Variants in TM4SF19 observed in about 807,000 individuals in gnomAD.
TM4SF19 encodes the protein transmembrane 4 L six family member 19, also known as transmembrane 4 L6 family member 19.
Under a neutral mutation model 21.8 loss-of-function variants are expected in TM4SF19, and 17 were observed. That is an observed-to-expected ratio of 0.78 (90% CI 0.53 to 1.17). The LOEUF is 1.17. Ranked by LOEUF, TM4SF19 falls within the 50% of genes most tolerant of loss-of-function variation. The pLI, the probability that TM4SF19 is intolerant of heterozygous loss-of-function variation, is 0.00. For synonymous variants in TM4SF19, 107 were observed against 106.7 expected (o/e 1.00, Z -0.02); for missense variants, 216 against 252.1 (o/e 0.86, Z 0.97).
chr3:196,333,269 A>G (rs1293219472), intron 1 of TM4SF19, among the ~76,000 whole-genome samples: 1 of 152,242 alleles, frequency 6.6e-6, no homozygotes, highest in Non-Finnish European at 1.5e-5. Flanking sequence ...AACCTGTCGT[A>G]AAGTTGGAAA....
intron 1 of TM4SF19, among the ~76,000 whole-genome samples, chr3:196,337,997 A>C (rs1445787411): frequency 6.6e-6 from 1 of 152,124 alleles, no homozygotes; most frequent in Admixed American, 6.6e-5. Context: ...ACCTAATCCT[A>C]TCTGGCAGAA....
intron 1 of TM4SF19, among the ~76,000 whole-genome samples, chr3:196,330,416 T>G (rs1384125113): frequency 6.6e-6 from 1 of 152,194 alleles, no homozygotes; most frequent in African/African-American, 2.4e-5. Flanking sequence ...CTGATGTTAC[T>G]TTACCACAAT....
At position 196,325,597 on chromosome 3, in the gene TM4SF19, CAG is replaced by C. The variant is rs1265222178; in HGVS notation, c.280-1159_280-1158del. The C allele has an allele frequency of 6.6e-6, 1 of 152,174 alleles. No homozygotes were observed. Among genetic ancestry groups the C allele is most frequent in the African/African-American group, 2.4e-5 (1 of 41,422 alleles). 9.4% of individuals were successfully genotyped at this position (152,174 alleles called of 1,614,324 possible). ...ATAACACCTACATAGCGTTTTTCTG[CAG>C]AGTCATGGAGTCATTCTCCCACTGA... On this transcript the variant is annotated intron_variant, in intron 3 of 4. Coordinates refer to ENST00000273695, the MANE Select transcript of TM4SF19 (RefSeq NM_138461.4). The surrounding 1 kb of genome is among the most constrained non-coding windows in gnomAD (Gnocchi z 4.3).
chr3:196,324,555 C>G, intron 3 of TM4SF19, 115 bp from the exon 4 acceptor site: 2 of 1,007,688 alleles, frequency 2.0e-6, no homozygotes, highest in Non-Finnish European at 3.0e-6. Flanking sequence ...GTGGGGCGGT[C>G]TGCACAGGTC....
chr3:196,330,995 C>T lies in TM4SF19; in HGVS notation c.-1-3404G>A, dbSNP rs567584037. Among the ~76,000 whole-genome samples the T allele has an allele frequency of 8.5e-5, 13 of 152,090 alleles. No individual in the cohort carries two copies. The East Asian group carries it at 1.7e-3, about 20-fold the overall frequency. On this transcript the variant is annotated intron_variant, in intron 1 of 4. Coordinates refer to ENST00000273695, the MANE Select transcript of TM4SF19 (RefSeq NM_138461.4). ...TTTTTAGAAAAATATGAATTAAGGCCGGGCACGGTGACTTACACCTGTAAT... is the reference window on the plus strand; with the variant it reads ...TTTTTAGAAAAATATGAATTAAGGCTGGGCACGGTGACTTACACCTGTAAT...
At chr3:196,326,387 C>G (rs983302838) in intron 3 of TM4SF19, among the ~76,000 whole-genome samples, 2 of 105,256 alleles carry the variant, frequency 1.9e-5, no homozygotes, top group South Asian at 3.8e-4. Context: ...TGTCTGAGAA[C>G]GAGTGTGTGT....
chr3:196,333,140 G>A (rs1411073282), intron 1 of TM4SF19, among the ~76,000 whole-genome samples: 1 of 152,126 alleles, frequency 6.6e-6, no homozygotes, highest in East Asian at 1.9e-4. Flanking sequence ...AAGCCACCAC[G>A]CCCAGTCCCA....
In TM4SF19 at chr3:196,327,432, C is replaced by A. The variant is rs1181430522; in HGVS notation, c.159G>T (p.Arg53Ser). The change falls in exon 2 of 5, where the codon AGG becomes AGT. Residue 53 changes from arginine to serine, a missense_variant. By Grantham distance (110) the Arg-to-Ser change is moderately radical. Coordinates refer to ENST00000273695, the MANE Select transcript of TM4SF19 (RefSeq NM_138461.4). ...VTYLLRGLLG[R>S]HAMLGTGLWG... The stretch of plus-strand genomic sequence containing the variant: ...AGAGCCCAGTTCCCAGCATGGCATG[C>A]CTGCCAAGGAGGCCCCTCAACAGGT... 1 of 1,614,184 alleles carries A rather than the reference C, an allele frequency of 6.2e-7. No individual in the cohort carries two copies. The highest frequency in any genetic ancestry group is 2.2e-5 in the East Asian group (1 of 44,894).
intron 4 of TM4SF19, 133 bp downstream of exon 4, chr3:196,324,138 A>G: frequency 6.9e-7 from 1 of 1,445,114 alleles, no homozygotes; most frequent in Non-Finnish European, 9.6e-7. Context: ...CTCCATTTGC[A>G]ATTTTCTGAG....
rs1310160419 is a variant in TM4SF19, at chr3:196,326,988, G to A, written c.246C>T (p.Tyr82=). 3.1e-6 allele frequency: 5 copies of A among 1,611,514 alleles called. No homozygotes were observed. The highest frequency in any genetic ancestry group is 1.7e-5 in the Admixed American group (1 of 59,942). The change falls in exon 3 of 5, where the codon TAC becomes TAT. Residue 82 remains tyrosine (Y), a synonymous_variant. Coordinates refer to ENST00000273695, the MANE Select transcript of TM4SF19 (RefSeq NM_138461.4). The part of the protein sequence containing the change: ...AILISLMGWR[Y]GCFSKSGLCR... Reference sequence around the variant, plus strand: ...AGAGCCCACTCTTACTGAAGCAGCCGTATCTCCAGCCCATCAAGGAGATGA... The same window carrying A: ...AGAGCCCACTCTTACTGAAGCAGCCATATCTCCAGCCCATCAAGGAGATGA...
chr3:196,324,551 C>T lies in TM4SF19; in HGVS notation c.280-111G>A, dbSNP rs569625438. The T allele has an allele frequency of 1.1e-5, 12 of 1,123,160 alleles. No homozygotes were observed. The East Asian group carries it at 1.3e-4, about 12-fold the overall frequency. The allele number at this position is 1,123,160 out of a possible 1,614,324, so 69.6% of individuals were successfully genotyped here. Reference sequence around the variant, plus strand: ...GGTCGCAGCTGGGGAGTCTGTGGGGCGGTCTGCACAGGTCTGACTTCTCTG... The same window carrying T: ...GGTCGCAGCTGGGGAGTCTGTGGGGTGGTCTGCACAGGTCTGACTTCTCTG... On this transcript the variant is annotated intron_variant, in intron 3 of 4. Coordinates refer to ENST00000273695, the MANE Select transcript of TM4SF19 (RefSeq NM_138461.4).
Position 196,327,399 on chromosome 3 carries a change from T to C in TM4SF19, c.192A>G (p.Gly64=), listed in dbSNP as rs747796732. The C allele has an allele frequency of 1.9e-6, 3 of 1,613,898 alleles. No individual in the cohort carries two copies. In the Admixed American group the frequency reaches 5.0e-5, roughly 27 times the overall value. ...AACCCCGGACACTTACCATGAGGCC[T>C]CCTCCCCAGAGCCCAGTTCCCAGCA... ...HAMLGTGLWG[G]GLMVLTAAIL... The change falls in exon 2 of 5, where the codon GGA becomes GGG. Residue 64 remains glycine (G), a synonymous_variant. Coordinates refer to ENST00000273695, the MANE Select transcript of TM4SF19 (RefSeq NM_138461.4).
chr3:196,324,434 T>G lies in TM4SF19; in HGVS notation c.286A>C (p.Thr96Pro). The G allele has an allele frequency of 5.0e-6, 8 of 1,613,982 alleles. No individual in the cohort carries two copies. The highest frequency in any genetic ancestry group is 6.8e-6 in the Non-Finnish European group (8 of 1,179,988). Residue 96 changes from threonine to proline, a missense_variant, in exon 4 of 5, where the codon ACT (threonine) becomes CCT (proline). Coordinates refer to ENST00000273695, the MANE Select transcript of TM4SF19 (RefSeq NM_138461.4). ...SKSGLCRSVL[T>P]ALLSGGLALL... ...GCCAGGCCACCTGACAACAGAGCAGTAAGCACCTGCGGAGGGAGGAGAAAC... is the reference window on the plus strand; with the variant it reads ...GCCAGGCCACCTGACAACAGAGCAGGAAGCACCTGCGGAGGGAGGAGAAAC...
At chr3:196,327,684 T>G in intron 1 of TM4SF19, 93 bp from the exon 2 acceptor site, 1 of 1,085,684 alleles carries the variant, frequency 9.2e-7, no homozygotes, top group Non-Finnish European at 1.4e-6. Context: ...GGAAACAGAC[T>G]ACAGAAACCG....
intron 1 of TM4SF19, among the ~76,000 whole-genome samples, chr3:196,331,157 TC>T (rs1286419296): frequency 6.6e-6 from 1 of 151,922 alleles, no homozygotes; most frequent in Non-Finnish European, 1.5e-5. Context: ...GCACCTGTAA[TC>T]CCAGCTACTC....
chr3:196,324,111 G>A (rs2108804323), intron 4 of TM4SF19, 114 bp from the exon 5 acceptor site: 3 of 1,448,146 alleles, frequency 2.1e-6, no homozygotes, highest in East Asian at 2.4e-5. Context: ...CTGGGCTCAT[G>A]AGGGTGACCG....
chr3:196,324,330 T>C lies in TM4SF19; in HGVS notation c.390A>G (p.Ser130=). The change falls in exon 4 of 5, where the codon TCA becomes TCG. Residue 130 remains serine, a synonymous_variant. Coordinates refer to ENST00000273695, the MANE Select transcript of TM4SF19 (RefSeq NM_138461.4). ...KDGPFCMFDV[S]SFNQTQAWKY... is the part of the protein sequence containing the mutation. ...TCCAAGCTTGTGTCTGATTGAAGGATGAAACATCAAACATGCAAAAAGGAC... is the reference window on the plus strand; with the variant it reads ...TCCAAGCTTGTGTCTGATTGAAGGACGAAACATCAAACATGCAAAAAGGAC... 6.2e-7 allele frequency: 1 copy of C among 1,614,130 alleles called. No homozygotes were observed. Among genetic ancestry groups the C allele is most frequent in the Non-Finnish European group, 8.5e-7 (1 of 1,180,026 alleles).
At chr3:196,333,169 G>A (rs1349420895) in intron 1 of TM4SF19, among the ~76,000 whole-genome samples, 1 of 152,160 alleles carries the variant, frequency 6.6e-6, no homozygotes, top group African/African-American at 2.4e-5. Flanking sequence ...TTGACTTTGT[G>A]ATGGTGCAAA....
chr3:196,324,451 A>G lies in TM4SF19; in HGVS notation c.280-11T>C, dbSNP rs751651241. The G allele has an allele frequency of 1.9e-6, 3 of 1,613,724 alleles. No homozygotes were observed. The highest frequency in any genetic ancestry group is 2.5e-6 in the Non-Finnish European group (3 of 1,179,912). On this transcript the variant is annotated splice_polypyrimidine_tract_variant and intron_variant, in intron 3 of 4. Coordinates refer to ENST00000273695, the MANE Select transcript of TM4SF19 (RefSeq NM_138461.4). Reference sequence around the variant, plus strand: ...CAGAGCAGTAAGCACCTGCGGAGGGAGGAGAAACACTGAGCTAAGACGGGG... The same window carrying G: ...CAGAGCAGTAAGCACCTGCGGAGGGGGGAGAAACACTGAGCTAAGACGGGG...
Sources: gnomAD v4.1 joint callset for allele counts (sites outside exome capture counted in the v4.1 genomes callset) on GRCh38, gnomAD v4.1.1 for gene constraint, Gnocchi (gnomAD v3.1) non-coding constraint, MANE v1.5 for transcripts, NCBI Gene and HGNC (gene_info 2026-07-23, HGNC 2026-07-21) for gene names.